Variants in FCHSD2 observed in about 807,000 individuals in gnomAD.
FCHSD2 encodes F-BAR and double SH3 domains protein 2.
Under a neutral mutation model 108.1 loss-of-function variants are expected in FCHSD2, and 38 were observed. That is an observed-to-expected ratio of 0.35 (90% CI 0.27 to 0.46). The LOEUF (loss-of-function observed/expected upper bound fraction) is 0.46, where lower values mean the gene tolerates loss of function less well. FCHSD2 is among the 20% of genes least tolerant of loss of function. FCHSD2 has a pLI of 1.00. For synonymous variants in FCHSD2, 279 were observed against 314.7 expected, an observed-to-expected ratio of 0.89 and a Z score of 1.20; for missense variants, 751 against 897.8, an observed-to-expected ratio of 0.84 and a Z score of 2.09.
At chr11:72,892,754 G>A (rs1019829661) in intron 10 of FCHSD2, among the ~76,000 whole-genome samples, 1 of 151,788 alleles carries the variant, frequency 6.6e-6, no homozygotes, top group African/African-American at 2.4e-5. Flanking sequence ...ACAGGCATGT[G>A]CCACCATGCC....
chr11:73,102,640 C>G (rs1048990001), intron 2 of FCHSD2, among the ~76,000 whole-genome samples: 8 of 152,172 alleles, frequency 5.3e-5, no homozygotes, highest in Non-Finnish European at 7.3e-5. Flanking sequence ...GCCATGAGGG[C>G]TCTGCCCTCA....
intron 8 of FCHSD2, among the ~76,000 whole-genome samples, chr11:72,937,333 C>T (rs1275039401): frequency 2.0e-5 from 3 of 152,152 alleles, no homozygotes; most frequent in African/African-American, 7.2e-5. Context: ...CATCTTTTGG[C>T]CATGTTATTT....
At chr11:73,135,716 G>C (rs1433525806) in intron 2 of FCHSD2, among the ~76,000 whole-genome samples, 1 of 152,144 alleles carries the variant, frequency 6.6e-6, no homozygotes, top group South Asian at 2.1e-4. Flanking sequence ...CAACAAATTA[G>C]TTGTCTTTTC....
intron 3 of FCHSD2, among the ~76,000 whole-genome samples, chr11:73,060,798 G>C (rs546136533): frequency 1.3e-5 from 2 of 152,200 alleles, no homozygotes; most frequent in African/African-American, 2.4e-5. Context: ...TTAAGAAGAA[G>C]GCAATGGAGA....
chr11:72,843,873 T>C (rs1179257755), intron 14 of FCHSD2, among the ~76,000 whole-genome samples: 1 of 151,550 alleles, frequency 6.6e-6, no homozygotes, highest in East Asian at 1.9e-4. Flanking sequence ...TCAGGCATGG[T>C]GGAACATGCC....
At chr11:72,933,863 C>G (rs755395058) in intron 8 of FCHSD2, among the ~76,000 whole-genome samples, 2 of 152,050 alleles carry the variant, frequency 1.3e-5, no homozygotes, top group Admixed American at 6.6e-5. Context: ...AATTTCAACA[C>G]TTTTGGAGGC....
At chr11:72,865,143 G>A (rs925419432) in intron 13 of FCHSD2, among the ~76,000 whole-genome samples, 6 of 152,158 alleles carry the variant, frequency 3.9e-5, no homozygotes, top group Non-Finnish European at 7.3e-5. Flanking sequence ...TATTAATCAT[G>A]TTTTCCAGAT....
chr11:73,133,461 C>T (rs1861049831), intron 2 of FCHSD2, among the ~76,000 whole-genome samples: 1 of 152,138 alleles, frequency 6.6e-6, no homozygotes, highest in Non-Finnish European at 1.5e-5. Context: ...AATGATACTA[C>T]AACCTGATGA....
At chr11:72,971,177 A>G (rs1419043483) in intron 8 of FCHSD2, among the ~76,000 whole-genome samples, 1 of 152,234 alleles carries the variant, frequency 6.6e-6, no homozygotes, top group Non-Finnish European at 1.5e-5. Flanking sequence ...GGAACAGGTC[A>G]AAATATAAAA....
chr11:72,890,813 A>C (rs962133272), intron 10 of FCHSD2, among the ~76,000 whole-genome samples: 5 of 152,148 alleles, frequency 3.3e-5, no homozygotes, highest in African/African-American at 9.7e-5. Context: ...CCAGAATCAG[A>C]GCTATTAAAC....
intron 3 of FCHSD2, among the ~76,000 whole-genome samples, chr11:73,045,877 C>T (rs530273102): frequency 7.2e-5 from 11 of 151,784 alleles, no homozygotes; most frequent in Admixed American, 7.2e-4. Flanking sequence ...TGTAACTAAC[C>T]TGCACAATGT....
chr11:72,906,272 C>T (rs7936855), intron 9 of FCHSD2, among the ~76,000 whole-genome samples: 24,775 of 151,882 alleles, frequency 0.16, 2,412 homozygotes, highest in Non-Finnish European at 0.23. Flanking sequence ...TTTTTGATGG[C>T]GTTGTTTTTT....
chr11:73,074,322 CTG>C (rs752258860), intron 3 of FCHSD2, among the ~76,000 whole-genome samples: 7 of 152,194 alleles, frequency 4.6e-5, no homozygotes, highest in Admixed American at 3.3e-4. Flanking sequence ...GAATAAAACT[CTG>C]TATGTGCAAG....
Position 73,124,259 on chromosome 11 carries a change from G to A in FCHSD2, c.119+15772C>T, listed in dbSNP as rs182331082. ...GGAACATCACACACCAGGGCCTATT[G>A]TGGGATGGGGGGACGGGGAAGGGAT... is the stretch of plus-strand genomic sequence containing the variant. On this transcript the variant is annotated intron_variant, in intron 2 of 19. Coordinates refer to ENST00000409418, the MANE Select transcript of FCHSD2 (RefSeq NM_014824.3). Among the ~76,000 whole-genome samples the A allele has an allele frequency of 2.9e-3, 441 of 152,230 alleles. 1 individual carries two copies. Among genetic ancestry groups the A allele is most frequent in the Non-Finnish European group, 4.9e-3 (330 of 68,016 alleles).
intron 3 of FCHSD2, among the ~76,000 whole-genome samples, chr11:73,074,538 A>G (rs1859505465): frequency 6.6e-6 from 1 of 152,234 alleles, no homozygotes; most frequent in South Asian, 2.1e-4. Context: ...CTCAAGGTGG[A>G]CTTTAGGATA....
chr11:73,059,907 T>C (rs1368848418), intron 3 of FCHSD2, among the ~76,000 whole-genome samples: 1 of 152,238 alleles, frequency 6.6e-6, no homozygotes, highest in Non-Finnish European at 1.5e-5. Flanking sequence ...ACCAAAACTT[T>C]GCTTATATCT....
intron 8 of FCHSD2, chr11:72,940,469 G>C: frequency 1.5e-6 from 1 of 680,738 alleles, no homozygotes; most frequent in South Asian, 1.6e-5. Context: ...TTTCCTTTCT[G>C]TCTGGCAGTA....
At chr11:72,955,682 C>T (rs866844872) in intron 8 of FCHSD2, among the ~76,000 whole-genome samples, 7 of 152,204 alleles carry the variant, frequency 4.6e-5, no homozygotes, top group Middle Eastern at 3.4e-3. Flanking sequence ...GATTTAGGAG[C>T]TCTGTGTCAG....
At chr11:73,101,431 ATTGTTGTTG>A (rs528868877) in intron 2 of FCHSD2, among the ~76,000 whole-genome samples, 3 of 151,820 alleles carry the variant, frequency 2.0e-5, no homozygotes, top group Non-Finnish European at 2.9e-5. Context: ...TCTTGTTGTT[ATTGTTGTTG>A]TTGTTGTTGC....
Sources: allele counts gnomAD v4.1 joint callset (sites outside exome capture counted in the v4.1 genomes callset), GRCh38; gene constraint gnomAD v4.1.1; transcripts MANE v1.5; gene names NCBI Gene and HGNC (gene_info 2026-07-23, HGNC 2026-07-21).